The following CDH20 variants were observed in gnomAD, a reference collection of about 807,000 sequenced individuals.
CDH20 encodes cadherin 20.
Under a neutral mutation model 74.2 loss-of-function variants are expected in CDH20, and 29 were observed. The ratio of observed to expected loss-of-function variants is 0.39; its 90% CI spans 0.29 to 0.53. The LOEUF is 0.53. CDH20 is among the 20% of genes least tolerant of loss of function. The pLI, the probability that CDH20 is intolerant of heterozygous loss-of-function variation, is 0.69. For missense variants in CDH20, 988 were observed against 1,048.3 expected (o/e 0.94, Z 0.79); for synonymous variants, 469 against 405.4 (o/e 1.16, Z -1.88).
At chr18:61,343,246 A>C (rs1910011386) in intron 1 of CDH20, among the ~76,000 whole-genome samples, 1 of 152,146 alleles carries the variant, frequency 6.6e-6, no homozygotes. Context: ...TGGATTTGCA[A>C]TGTATTACAT....
intron 1 of CDH20, among the ~76,000 whole-genome samples, chr18:61,348,808 G>A (rs750088387): frequency 6.6e-5 from 10 of 152,142 alleles, no homozygotes; most frequent in Non-Finnish European, 1.0e-4. Flanking sequence ...AGGCAAGATT[G>A]TGTGAAAAAG....
intron 1 of CDH20, among the ~76,000 whole-genome samples, chr18:61,478,660 A>T (rs1910480479): frequency 6.6e-6 from 1 of 152,226 alleles, no homozygotes; most frequent in Non-Finnish European, 1.5e-5. Context: ...GATGGTGAAG[A>T]ATAGAGATGT....
intron 2 of CDH20, among the ~76,000 whole-genome samples, chr18:61,494,602 A>G (rs1021257060): frequency 6.6e-6 from 1 of 152,074 alleles, no homozygotes; most frequent in Non-Finnish European, 1.5e-5. Flanking sequence ...TCTGCTTGCG[A>G]CCTTGAGCTC....
At chr18:61,352,296 T>C (rs1910330762) in intron 1 of CDH20, among the ~76,000 whole-genome samples, 1 of 152,330 alleles carries the variant, frequency 6.6e-6, no homozygotes, top group South Asian at 2.1e-4. Flanking sequence ...GAGAGGAGCA[T>C]AAAAGGAATT....
At chr18:61,351,530 G>A (rs981018247) in intron 1 of CDH20, among the ~76,000 whole-genome samples, 5 of 152,060 alleles carry the variant, frequency 3.3e-5, no homozygotes, top group African/African-American at 1.2e-4. Context: ...CTTGCCTAGT[G>A]CATAGGAAAC....
chr18:61,352,487 A>G (rs76520994), intron 1 of CDH20, among the ~76,000 whole-genome samples: 2,061 of 152,108 alleles, frequency 0.014, 54 homozygotes, highest in African/African-American at 0.047. Context: ...TCTTTTTACT[A>G]TTTCTGGAGT....
intron 1 of CDH20, among the ~76,000 whole-genome samples, chr18:61,374,052 T>A (rs1350351777): frequency 6.6e-6 from 1 of 152,118 alleles, no homozygotes; most frequent in Non-Finnish European, 1.5e-5. Flanking sequence ...TCTCTCATGA[T>A]CGTATCTAAA....
At chr18:61,365,463 T>C (rs1045479405) in intron 1 of CDH20, among the ~76,000 whole-genome samples, 3 of 152,272 alleles carry the variant, frequency 2.0e-5, no homozygotes, top group South Asian at 2.1e-4. Context: ...ACTTTTTTTT[T>C]CCAGATGCCT....
At chr18:61,432,887 CTTTA>C (rs1016391446) in intron 1 of CDH20, among the ~76,000 whole-genome samples, 130 of 152,174 alleles carry the variant, frequency 8.5e-4, no homozygotes, top group African/African-American at 3.1e-3. Context: ...TATTTTTCCC[CTTTA>C]TTTATTATGC....
chr18:61,478,273 A>G (rs2144398101), intron 1 of CDH20, among the ~76,000 whole-genome samples: 1 of 151,306 alleles, frequency 6.6e-6, no homozygotes, highest in East Asian at 1.9e-4. Flanking sequence ...AATTTTTCTT[A>G]TTGTCATTTG....
intron 1 of CDH20, among the ~76,000 whole-genome samples, chr18:61,337,751 G>A (rs931486671): frequency 2.6e-5 from 4 of 152,184 alleles, no homozygotes. Context: ...GAAGACATAA[G>A]TAAGGGACTA....
intron 1 of CDH20, among the ~76,000 whole-genome samples, chr18:61,453,274 CTGTTTTTTTGTT>C (rs995391229): frequency 5.3e-5 from 8 of 152,040 alleles, no homozygotes; most frequent in African/African-American, 1.9e-4. Flanking sequence ...CTAATCTTTT[CTGTTTTTTTGTT>C]TGTTTTTTTG....
At chr18:61,479,664 T>C (rs1285686327) in intron 1 of CDH20, among the ~76,000 whole-genome samples, 1 of 18,472 alleles carries the variant, frequency 5.4e-5, no homozygotes, top group Non-Finnish European at 6.4e-4. Flanking sequence ...GTGTCACTAT[T>C]TTTCCCCCCT....
intron 1 of CDH20, among the ~76,000 whole-genome samples, chr18:61,349,193 T>C (rs897826135): frequency 6.6e-6 from 1 of 152,162 alleles, no homozygotes; most frequent in African/African-American, 2.4e-5. Flanking sequence ...CTGTGTGCCC[T>C]AACAGCTAAA....
At chr18:61,426,288 A>G (rs1913069900) in intron 1 of CDH20, among the ~76,000 whole-genome samples, 1 of 152,172 alleles carries the variant, frequency 6.6e-6, no homozygotes, top group Admixed American at 6.5e-5. Context: ...GCTCTAAAAC[A>G]GGGCCCAGTA....
chr18:61,421,532 T>C (rs531705840), intron 1 of CDH20, among the ~76,000 whole-genome samples: 2 of 152,302 alleles, frequency 1.3e-5, no homozygotes, highest in Non-Finnish European at 2.9e-5. Flanking sequence ...ATTCCTGGAT[T>C]TGTGGGTCTC....
chr18:61,492,761 C>A (rs768145309), intron 2 of CDH20, among the ~76,000 whole-genome samples: 1 of 152,176 alleles, frequency 6.6e-6, no homozygotes, highest in Non-Finnish European at 1.5e-5. Flanking sequence ...TAATCACAAC[C>A]ACCATATTTG....
intron 1 of CDH20, among the ~76,000 whole-genome samples, chr18:61,453,764 T>C (rs1415333948): frequency 1.3e-5 from 2 of 152,228 alleles, no homozygotes; most frequent in Admixed American, 6.5e-5. Context: ...AAAGCTGATA[T>C]AAACATTCGT....
chr18:61,554,733 G>GA lies in CDH20; in HGVS notation c.*38_*39insA, dbSNP rs1913571959. 2 of 1,499,550 alleles carry GA rather than the reference G, an allele frequency of 1.3e-6. No individual in the cohort carries two copies. Among genetic ancestry groups the GA allele is most frequent in the African/African-American group, 1.4e-5 (1 of 72,748 alleles). 92.9% of individuals were successfully genotyped at this position (1,499,550 alleles called of 1,614,324 possible). On this transcript the variant is annotated 3_prime_UTR_variant, in exon 12 of 12. Coordinates refer to ENST00000262717, the MANE Select transcript of CDH20 (RefSeq NM_031891.4). Reference sequence around the variant, plus strand: ...GGCAGGCGCGCGTCCAAATCCAGACGTTCTCCGCGGGTGCTTCGCGGACAA... The same window carrying GA: ...GGCAGGCGCGCGTCCAAATCCAGACGATTCTCCGCGGGTGCTTCGCGGACAA...
Sources: allele counts gnomAD v4.1 joint callset (sites outside exome capture counted in the v4.1 genomes callset), GRCh38; gene constraint gnomAD v4.1.1; transcripts MANE v1.5; gene names NCBI Gene and HGNC (gene_info 2026-07-23, HGNC 2026-07-21).